UNC5C: variants seen among roughly 807,000 people sequenced by gnomAD.
The protein encoded by UNC5C is unc-5 netrin receptor C, also known as netrin receptor UNC5C.
In UNC5C, 47 loss-of-function variants were observed where a neutral mutation model predicts 99.8. The observed-to-expected ratio is 0.47, with a 90% CI of 0.37 to 0.60. The LOEUF is 0.60. UNC5C is among the 20% of genes least tolerant of loss of function. The pLI, the probability that UNC5C is intolerant of heterozygous loss-of-function variation, is 0.00. For missense variants in UNC5C, 1,062 were observed against 1,165.9 expected (o/e 0.91, Z 1.30); for synonymous variants, 487 against 452.2 (o/e 1.08, Z -0.98).
At position 95,433,906 on chromosome 4, in the gene UNC5C, C is replaced by T. The variant is rs1477755860; in HGVS notation, c.125-98275G>A. On this transcript the variant is annotated intron_variant, in intron 1 of 15. Transcript: ENST00000453304. ...TCTCACACAGCTGAGCTCTTGATGCCTTCACAGCCTGTGCACAAGTTAATC... is the reference window on the plus strand; with the variant it reads ...TCTCACACAGCTGAGCTCTTGATGCTTTCACAGCCTGTGCACAAGTTAATC... Among the ~76,000 whole-genome samples, 3 of 152,156 alleles carry T rather than the reference C, an allele frequency of 2.0e-5. No homozygotes were observed. The East Asian group carries it at 5.8e-4, about 29-fold the overall frequency.
chr4:95,363,289 T>G (rs1390446031), intron 1 of UNC5C, among the ~76,000 whole-genome samples: 1 of 152,108 alleles, frequency 6.6e-6, no homozygotes, highest in Non-Finnish European at 1.5e-5. Flanking sequence ...TTGTTAGTGA[T>G]CATTTGGCAG....
intron 1 of UNC5C, among the ~76,000 whole-genome samples, chr4:95,501,025 A>T (rs561837368): frequency 6.6e-6 from 1 of 152,260 alleles, no homozygotes; most frequent in Admixed American, 6.5e-5. Flanking sequence ...GTGTGTTAAT[A>T]AATATTTGTA....
chr4:95,278,654 A>T (rs541284094), intron 3 of UNC5C, among the ~76,000 whole-genome samples: 65 of 151,738 alleles, frequency 4.3e-4, no homozygotes, highest in Middle Eastern at 3.4e-3. Context: ...TTTTAAAAAA[A>T]TTTTTTGTAG....
In UNC5C at chr4:95,202,714, A is replaced by G; in HGVS notation, c.2136+17T>C. ...CAGGTGGAGGTGAAGAGGGCAGGCTAGGTGGGAGGCACTTACCTTCAGGGC... is the reference window on the plus strand; with the variant it reads ...CAGGTGGAGGTGAAGAGGGCAGGCTGGGTGGGAGGCACTTACCTTCAGGGC... On this transcript the variant is annotated intron_variant, in intron 12 of 15. Coordinates refer to ENST00000453304, the MANE Select transcript of UNC5C (RefSeq NM_003728.4). 1 of 1,611,536 alleles carries G rather than the reference A, an allele frequency of 6.2e-7. No individual in the cohort carries two copies. Among genetic ancestry groups the G allele is most frequent in the Non-Finnish European group, 8.5e-7 (1 of 1,178,524 alleles).
intron 14 of UNC5C, among the ~76,000 whole-genome samples, chr4:95,180,360 C>A (rs1736564703): frequency 6.6e-6 from 1 of 152,148 alleles, no homozygotes; most frequent in Non-Finnish European, 1.5e-5. Context: ...TCCTCTGCAC[C>A]ATGTTTTCTT....
In UNC5C at chr4:95,206,693, C is replaced by T. The variant is rs761436712; in HGVS notation, c.1837G>A (p.Ala613Thr). Residue 613 changes from alanine (A) to threonine (T), a missense_variant, in exon 11 of 16, where the codon GCA becomes ACA. Physicochemically the swap from Ala to Thr is moderately conservative, Grantham distance 58 (BLOSUM62 0). Transcript: ENST00000453304. ...TTCCAGTCCTCGGTATTGGGGTCTGCGCAGTGATGCATAGTGAGGACGACT... is the reference window on the plus strand; with the variant it reads ...TTCCAGTCCTCGGTATTGGGGTCTGTGCAGTGATGCATAGTGAGGACGACT... ...RPVVLTMHHCADPNTEDWKIL... is the reference protein window; with the variant it reads ...RPVVLTMHHCTDPNTEDWKIL... 2.2e-5 allele frequency: 36 copies of T among 1,613,942 alleles called. No homozygotes were observed. The highest frequency in any genetic ancestry group is 1.6e-4 in the Middle Eastern group (1 of 6,084).
At chr4:95,177,313 A>T (rs903295253) in intron 14 of UNC5C, among the ~76,000 whole-genome samples, 6 of 152,242 alleles carry the variant, frequency 3.9e-5, no homozygotes, top group Middle Eastern at 3.4e-3. Flanking sequence ...CAGAGGATGA[A>T]CTAACTGGCC....
intron 10 of UNC5C, among the ~76,000 whole-genome samples, chr4:95,215,668 A>G (rs543013774): frequency 1.8e-4 from 27 of 152,104 alleles, no homozygotes; most frequent in African/African-American, 6.5e-4. Context: ...ACAGTCACAA[A>G]AGGAAGAATC....
At chr4:95,433,021 A>G (rs1746675394) in intron 1 of UNC5C, among the ~76,000 whole-genome samples, 1 of 152,128 alleles carries the variant, frequency 6.6e-6, no homozygotes, top group South Asian at 2.1e-4. Context: ...GTCAACCACA[A>G]ATCTTAAAAA....
intron 1 of UNC5C, among the ~76,000 whole-genome samples, chr4:95,364,001 C>T (rs1317017516): frequency 6.6e-6 from 1 of 152,180 alleles, no homozygotes; most frequent in Non-Finnish European, 1.5e-5. Context: ...TATACTTTTA[C>T]ATCTGTGTTT....
intron 1 of UNC5C, among the ~76,000 whole-genome samples, chr4:95,459,086 C>A (rs1204801889): frequency 6.6e-6 from 1 of 151,942 alleles, no homozygotes; most frequent in Non-Finnish European, 1.5e-5. Flanking sequence ...GTTATTTGTC[C>A]ACTACATCTA....
chr4:95,227,485 TA>T (rs1457467368), intron 7 of UNC5C, among the ~76,000 whole-genome samples: 4 of 152,170 alleles, frequency 2.6e-5, no homozygotes, highest in Non-Finnish European at 5.9e-5. Context: ...ATTTATTTTT[TA>T]AAGCATAGAT....
Position 95,293,295 on chromosome 4 carries a change from C to CTTTTTTT in UNC5C, c.490+8304_490+8310dup, listed in dbSNP as rs1175837199. On this transcript the variant is annotated intron_variant, in intron 3 of 15. Transcript: ENST00000453304. ...TTTCTGTATTATAAATAATAGTGAG[C>CTTTTTTT]TTTTTTTTTTTTTTTTTTTTTTTTT... is the stretch of plus-strand genomic sequence containing the variant. Among the ~76,000 whole-genome samples the CTTTTTTT allele has an allele frequency of 5.1e-4, 29 of 56,904 alleles. 6 individuals are homozygous for CTTTTTTT. The highest frequency in any genetic ancestry group is 1.8e-3 in the African/African-American group (25 of 13,588). The allele number at this position is 56,904 out of a possible 152,430, so 37.3% of individuals were successfully genotyped here.
At chr4:95,248,214 T>G (rs898798093) in intron 5 of UNC5C, 5 of 239,368 alleles carry the variant, frequency 2.1e-5, no homozygotes, top group African/African-American at 4.7e-5. Flanking sequence ...CTTTTAGGAT[T>G]TTTTTTTTGG....
At chr4:95,292,717 C>T (rs1031395221) in intron 3 of UNC5C, among the ~76,000 whole-genome samples, 2 of 152,110 alleles carry the variant, frequency 1.3e-5, no homozygotes, top group Admixed American at 1.3e-4. Flanking sequence ...TCTTGAATTC[C>T]TTGGGGAAAA....
In UNC5C at chr4:95,169,060, G is replaced by C. The variant is rs1305705995; in HGVS notation, c.*174C>G. ...TCTTAACTCCCGTGATGATGTCCGAGTAAAGTGGGCATGTACATGGGCAGT... is the reference window on the plus strand; with the variant it reads ...TCTTAACTCCCGTGATGATGTCCGACTAAAGTGGGCATGTACATGGGCAGT... On this transcript the variant is annotated 3_prime_UTR_variant, in exon 16 of 16. Coordinates refer to ENST00000453304, the MANE Select transcript of UNC5C (RefSeq NM_003728.4). 1 of 703,418 alleles carries C rather than the reference G, an allele frequency of 1.4e-6. No individual in the cohort carries two copies. The highest frequency in any genetic ancestry group is 2.3e-6 in the Non-Finnish European group (1 of 432,152). 43.6% of individuals were successfully genotyped at this position (703,418 alleles called of 1,614,324 possible). A position where few individuals can be genotyped will look rare whatever the true frequency, so the allele number is the denominator to read the frequency against.
chr4:95,347,434 C>T (rs1173975449), intron 1 of UNC5C, among the ~76,000 whole-genome samples: 1 of 151,834 alleles, frequency 6.6e-6, no homozygotes, highest in East Asian at 1.9e-4. Context: ...AACCACAACA[C>T]ACCCAGAATA....
chr4:95,544,710 A>G (rs187040941), intron 1 of UNC5C, among the ~76,000 whole-genome samples: 1 of 152,326 alleles, frequency 6.6e-6, no homozygotes, highest in East Asian at 1.9e-4. Flanking sequence ...ATTGTTTCTA[A>G]TTTGTGAGGA....
chr4:95,470,013 A>G (rs1312275765), intron 1 of UNC5C, among the ~76,000 whole-genome samples: 1 of 152,158 alleles, frequency 6.6e-6, no homozygotes, highest in Admixed American at 6.6e-5. Context: ...TTAATACTGC[A>G]TCTTTATGTT....
Sources: allele counts gnomAD v4.1 joint callset (sites outside exome capture counted in the v4.1 genomes callset), GRCh38; gene constraint gnomAD v4.1.1; transcripts MANE v1.5; gene names NCBI Gene and HGNC (gene_info 2026-07-23, HGNC 2026-07-21).